Variants in CSMD1 observed in about 807,000 individuals in gnomAD.
The protein encoded by CSMD1 is CUB and sushi domain-containing protein 1.
A neutral mutation model predicts 417.5 loss-of-function variants in CSMD1; 213 were observed. The ratio of observed to expected loss-of-function variants is 0.51; its 90% CI spans 0.46 to 0.57. The LOEUF is 0.57. Ranked by LOEUF, CSMD1 falls within the 20% of genes least tolerant of loss-of-function variation. The probability of loss-of-function intolerance (pLI) is 0.00; values close to 1 mark genes in which losing one functional copy is unlikely to be tolerated. For missense variants in CSMD1, 6,923 were observed against 4,529.7 expected, an observed-to-expected ratio of 1.53 and a Z score of -15.17; for synonymous variants, 2,862 against 1,736.8, an observed-to-expected ratio of 1.65 and a Z score of -16.11.
At chr8:3,683,521 T>G (rs2623608) in intron 7 of CSMD1, among the ~76,000 whole-genome samples, 145,993 of 152,246 alleles carry the variant, frequency 0.96, 70,076 homozygotes, top group East Asian at 1. Flanking sequence ...GAGGGGGAGG[T>G]ATTTCTGCAC....
intron 3 of CSMD1, among the ~76,000 whole-genome samples, chr8:4,289,300 T>C (rs1797231589): frequency 6.6e-6 from 1 of 152,254 alleles, no homozygotes; most frequent in Non-Finnish European, 1.5e-5. Flanking sequence ...TTTCACCCAT[T>C]ATATATGAGA....
At chr8:3,355,496 C>T (rs1267547059) in intron 21 of CSMD1, among the ~76,000 whole-genome samples, 1 of 152,170 alleles carries the variant, frequency 6.6e-6, no homozygotes, top group South Asian at 2.1e-4. Flanking sequence ...GCCCTGGCCA[C>T]AATGACTGCT....
chr8:4,974,077 G>C (rs1190500955), intron 1 of CSMD1, among the ~76,000 whole-genome samples: 1 of 152,172 alleles, frequency 6.6e-6, no homozygotes, highest in Non-Finnish European at 1.5e-5. Context: ...CTGGAGAGTA[G>C]TGGTGCGATC....
chr8:4,140,038 G>A (rs1196090311), intron 3 of CSMD1, among the ~76,000 whole-genome samples: 1 of 150,924 alleles, frequency 6.6e-6, no homozygotes, highest in Non-Finnish European at 1.5e-5. Context: ...TGGAAGGATA[G>A]AAGACACATT....
intron 4 of CSMD1, among the ~76,000 whole-genome samples, chr8:4,013,994 G>C (rs1009411338): frequency 6.6e-6 from 1 of 152,122 alleles, no homozygotes; most frequent in South Asian, 2.1e-4. Flanking sequence ...TTGGAAGAAA[G>C]AATTAACACA....
At chr8:3,216,226 G>T (rs1338956501) in intron 29 of CSMD1, among the ~76,000 whole-genome samples, 5 of 152,028 alleles carry the variant, frequency 3.3e-5, no homozygotes, top group South Asian at 2.1e-4. Context: ...CTTTGTAACT[G>T]CATTAAATCC....
chr8:4,560,100 C>A (rs536373107), intron 2 of CSMD1, among the ~76,000 whole-genome samples: 45 of 152,356 alleles, frequency 3.0e-4, no homozygotes, highest in Admixed American at 1.5e-3. Flanking sequence ...TGGGCCACCT[C>A]CACGTGGTGA....
At chr8:4,808,255 G>A (rs553881522) in intron 1 of CSMD1, among the ~76,000 whole-genome samples, 13 of 152,262 alleles carry the variant, frequency 8.5e-5, no homozygotes, top group African/African-American at 3.1e-4. Flanking sequence ...GATGATCAGA[G>A]CATTTACTAC....
intron 5 of CSMD1, among the ~76,000 whole-genome samples, chr8:3,766,108 A>C (rs927100515): frequency 6.6e-6 from 1 of 152,178 alleles, no homozygotes; most frequent in Non-Finnish European, 1.5e-5. Flanking sequence ...AAGTAATTCG[A>C]TAAGACAGTC....
intron 17 of CSMD1, among the ~76,000 whole-genome samples, chr8:3,392,172 G>A (rs547647500): frequency 6.7e-6 from 1 of 150,220 alleles, no homozygotes; most frequent in South Asian, 2.1e-4. Flanking sequence ...TGAGTTAATG[G>A]GTGCACCACA....
chr8:4,316,358 T>C (rs1177376684), intron 3 of CSMD1, among the ~76,000 whole-genome samples: 1 of 152,124 alleles, frequency 6.6e-6, no homozygotes, highest in Non-Finnish European at 1.5e-5. Context: ...GGTTATGGTC[T>C]TATACTCTGG....
rs576174825 is a variant in CSMD1, at chr8:3,338,831, T to G, written c.3631+4463A>C. Among the ~76,000 whole-genome samples the G allele has an allele frequency of 2.0e-3, 308 of 151,976 alleles. 2 individuals are homozygous for G. The highest frequency in any genetic ancestry group is 2.0e-3 in the Non-Finnish European group (133 of 67,954). On this transcript the variant is annotated intron_variant, in intron 23 of 69. Transcript: ENST00000635120. ...CCTTTCTTTTTTTTTTTTTTAAATT[T>G]TTATTTTTATATTTTTAATTAACTT... is the stretch of plus-strand genomic sequence containing the variant.
At chr8:4,307,313 T>TCA (rs1455047419) in intron 3 of CSMD1, among the ~76,000 whole-genome samples, 3 of 152,130 alleles carry the variant, frequency 2.0e-5, no homozygotes, top group Admixed American at 6.6e-5. Context: ...AGCACAGGCA[T>TCA]CACACATGTC....
In CSMD1 at chr8:3,392,897, G is replaced by T. The variant is rs144613979; in HGVS notation, c.2593+3297C>A. On this transcript the variant is annotated intron_variant, in intron 17 of 69. Coordinates refer to ENST00000635120, the MANE Select transcript of CSMD1 (RefSeq NM_033225.6). ...CCAGAACATCTGAGCTGGTATTCAG[G>T]CATTGGTTTTATTTTAAACCCCGCA... 3.3e-5 allele frequency among the ~76,000 whole-genome samples: 5 copies of T among 152,074 alleles called. No individual in the cohort carries two copies. The East Asian group carries it at 9.7e-4, about 30-fold the overall frequency.
intron 11 of CSMD1, among the ~76,000 whole-genome samples, chr8:3,485,481 C>A (rs1437312160): frequency 6.7e-6 from 1 of 150,202 alleles, no homozygotes; most frequent in Non-Finnish European, 1.5e-5. Flanking sequence ...GTGGCGGATA[C>A]AGGAACTTAA....
At chr8:3,114,889 A>C (rs1374656591) in intron 42 of CSMD1, among the ~76,000 whole-genome samples, 1 of 151,674 alleles carries the variant, frequency 6.6e-6, no homozygotes, top group Non-Finnish European at 1.5e-5. Context: ...AATTCAAAGA[A>C]GCTGTTAACA....
intron 1 of CSMD1, among the ~76,000 whole-genome samples, chr8:4,895,061 G>C (rs1444430066): frequency 1.3e-5 from 2 of 152,082 alleles, no homozygotes; most frequent in South Asian, 2.1e-4. Flanking sequence ...TTTTGTTTCT[G>C]TACATTAAAC....
chr8:4,540,878 C>A (rs1319295169), intron 2 of CSMD1, among the ~76,000 whole-genome samples: 2 of 152,230 alleles, frequency 1.3e-5, no homozygotes, highest in African/African-American at 2.4e-5. Flanking sequence ...AAGTCTGACT[C>A]TCCGCCACTC....
chr8:4,224,793 T>A (rs1014083646), intron 3 of CSMD1, among the ~76,000 whole-genome samples: 1 of 152,218 alleles, frequency 6.6e-6, no homozygotes, highest in Non-Finnish European at 1.5e-5. Flanking sequence ...AATGTTAAAA[T>A]GTGTGTTCAT....
Sources: allele counts gnomAD v4.1 joint callset (sites outside exome capture counted in the v4.1 genomes callset), GRCh38; gene constraint gnomAD v4.1.1; transcripts MANE v1.5; gene names NCBI Gene and HGNC (gene_info 2026-07-23, HGNC 2026-07-21).